The following PDIA4 variants were observed in gnomAD, a reference collection of about 807,000 sequenced individuals.
PDIA4 encodes the protein protein disulfide isomerase family A member 4, also known as protein disulfide-isomerase A4.
Under a neutral mutation model 62.1 loss-of-function variants are expected in PDIA4, and 33 were observed. The ratio of observed to expected loss-of-function variants is 0.53; its 90% confidence interval spans 0.40 to 0.71. The LOEUF (loss-of-function observed/expected upper bound fraction) is 0.71. PDIA4 is among the 30% of genes least tolerant of loss of function. The probability of loss-of-function intolerance (pLI) is 0.00; values close to 1 mark genes in which losing one functional copy is unlikely to be tolerated. For missense variants in PDIA4, 804 were observed against 813.6 expected, an observed-to-expected ratio of 0.99 and a Z score of 0.14; for synonymous variants, 341 against 324.1, an observed-to-expected ratio of 1.05 and a Z score of -0.56.
intron 3 of PDIA4, among the ~76,000 whole-genome samples, chr7:149,018,702 G>A (rs1824231655): frequency 6.6e-6 from 1 of 152,026 alleles, no homozygotes; most frequent in Non-Finnish European, 1.5e-5. Flanking sequence ...AAAGTGCTGG[G>A]GTTACAGGTG....
Position 149,028,232 on chromosome 7 carries a change from C to T in PDIA4, c.88+89G>A, listed in dbSNP as rs112899077. ...GTTCTGGAGCTGACCGCGCGGAAGCCCGCCCGCCGGGGTCGCAGGGCCCAG... is the reference window on the plus strand; with the variant it reads ...GTTCTGGAGCTGACCGCGCGGAAGCTCGCCCGCCGGGGTCGCAGGGCCCAG... On this transcript the variant is annotated intron_variant, in intron 1 of 9. Coordinates refer to ENST00000652332, the MANE Select transcript of PDIA4 (RefSeq NM_004911.5). 140 of 1,000,188 alleles carry T rather than the reference C, an allele frequency of 1.4e-4. No individual in the cohort carries two copies. In the African/African-American group the frequency reaches 2.1e-3, roughly 15 times the overall value. The allele number at this position is 1,000,188 out of a possible 1,614,324, so 62.0% of individuals were successfully genotyped here.
At chr7:149,010,771 G>A (rs1024872526) in intron 6 of PDIA4, among the ~76,000 whole-genome samples, 1 of 152,150 alleles carries the variant, frequency 6.6e-6, no homozygotes, top group African/African-American at 2.4e-5. Flanking sequence ...CCCTAACCCT[G>A]CCCAAGCCAA....
intron 4 of PDIA4, among the ~76,000 whole-genome samples, chr7:149,013,027 C>A (rs566657187): frequency 3.9e-5 from 6 of 152,318 alleles, no homozygotes; most frequent in African/African-American, 1.4e-4. Flanking sequence ...GCAGGTGGAT[C>A]ACCTGAGGCC....
chr7:149,025,026 C>T (rs1288159942), intron 1 of PDIA4, among the ~76,000 whole-genome samples: 16 of 135,586 alleles, frequency 1.2e-4, no homozygotes, highest in Non-Finnish European at 2.1e-4. Flanking sequence ...CGAGAGATGA[C>T]GCCATTGCAC....
chr7:149,013,096 A>T (rs555446529), intron 4 of PDIA4, among the ~76,000 whole-genome samples: 14 of 152,180 alleles, frequency 9.2e-5, no homozygotes, highest in Non-Finnish European at 2.1e-4. Context: ...AAAAATACAG[A>T]AACTAGCTGG....
At position 149,016,368 on chromosome 7, in the gene PDIA4, A is replaced by G. The variant is rs890858193; in HGVS notation, c.476-1326T>C. 2.0e-5 allele frequency among the ~76,000 whole-genome samples: 3 copies of G among 152,228 alleles called. No individual in the cohort carries two copies. In the East Asian group the frequency reaches 5.8e-4, roughly 29 times the overall value. On this transcript the variant is annotated intron_variant, in intron 3 of 9. Transcript: ENST00000652332. ...CTTTATGTATGGATATGGCTAAGAC[A>G]TATCTGTTAAATAAAAACATGAAGG...
intron 4 of PDIA4, among the ~76,000 whole-genome samples, chr7:149,013,250 A>G: frequency 6.6e-6 from 1 of 152,164 alleles, no homozygotes; most frequent in Non-Finnish European, 1.5e-5. Context: ...TCCGTCTCAA[A>G]AAAGAACCAA....
chr7:149,025,070 CAAAA>C (rs1184341612), intron 1 of PDIA4, among the ~76,000 whole-genome samples: 980 of 70,232 alleles, frequency 0.014, 8 homozygotes, highest in Middle Eastern at 0.024. Flanking sequence ...AACTCCATCT[CAAAA>C]AAAAAAAAAA....
chr7:149,025,161 G>T (rs1297902939), intron 1 of PDIA4, among the ~76,000 whole-genome samples: 1 of 150,596 alleles, frequency 6.6e-6, no homozygotes, highest in Non-Finnish European at 1.5e-5. Context: ...TCCTCAGCAT[G>T]AGACAAATGA....
intron 5 of PDIA4, 43 bp from the exon 6 acceptor site, chr7:149,012,047 C>T (rs1414571247): frequency 5.0e-6 from 8 of 1,599,962 alleles, no homozygotes; most frequent in Middle Eastern, 1.7e-4. Flanking sequence ...CTAAGAACTG[C>T]CCACTTCCCA....
chr7:149,007,739 T>C (rs10258441), intron 7 of PDIA4, among the ~76,000 whole-genome samples: 1,801 of 152,366 alleles, frequency 0.012, 28 homozygotes, highest in African/African-American at 0.04. Flanking sequence ...CAGACAGGGA[T>C]GCTGTCCCTC....
At chr7:149,005,767 A>G in intron 8 of PDIA4, 130 bp downstream of exon 8, 1 of 668,834 alleles carries the variant, frequency 1.5e-6, no homozygotes, top group Non-Finnish European at 2.4e-6. Context: ...CCAACGTGCA[A>G]GGGCCCCAGG....
At chr7:149,007,967 T>C (rs1041200492) in intron 7 of PDIA4, among the ~76,000 whole-genome samples, 192 bp downstream of exon 7, 2 of 152,166 alleles carry the variant, frequency 1.3e-5, no homozygotes, top group Non-Finnish European at 2.9e-5. Flanking sequence ...CCCAGCCCTG[T>C]CCCTCCGGCA....
At chr7:149,008,581 T>C (rs1456475058) in intron 6 of PDIA4, among the ~76,000 whole-genome samples, 1 of 152,092 alleles carries the variant, frequency 6.6e-6, no homozygotes, top group East Asian at 1.9e-4. Flanking sequence ...TGCAAGCCTG[T>C]AGTCCCAACT....
chr7:149,017,956 G>A (rs924671823), intron 3 of PDIA4, among the ~76,000 whole-genome samples: 14 of 152,230 alleles, frequency 9.2e-5, no homozygotes, highest in South Asian at 6.2e-4. Flanking sequence ...TTGGGCGGGC[G>A]TGGTGGTTCA....
intron 1 of PDIA4, among the ~76,000 whole-genome samples, chr7:149,025,886 C>G (rs543329476): frequency 1.3e-5 from 2 of 152,138 alleles, no homozygotes; most frequent in African/African-American, 4.8e-5. Flanking sequence ...AGGCAACAAA[C>G]AGGATCAGAA....
chr7:149,008,848 C>T lies in PDIA4; in HGVS notation c.980-538G>A, dbSNP rs965776306. Among the ~76,000 whole-genome samples the T allele has an allele frequency of 5.3e-5, 8 of 151,524 alleles. No homozygotes were observed. In the South Asian group the frequency reaches 1.7e-3, roughly 32 times the overall value. On this transcript the variant is annotated intron_variant, in intron 6 of 9. Transcript: ENST00000652332. ...CAAGGTATAACGTCTAAATCCTGGC[C>T]GGCCACAGTGGCTCACGCCTGTAAT...
chr7:149,019,060 C>T lies in PDIA4; in HGVS notation c.407G>A (p.Gly136Asp), dbSNP rs1436774072. 2 of 1,613,728 alleles carry T rather than the reference C, an allele frequency of 1.2e-6. No individual in the cohort carries two copies. Among genetic ancestry groups the T allele is most frequent in the East Asian group, 2.2e-5 (1 of 44,868 alleles). ...CTTAAGGATCTTGATGGTGGGGTAG[C>T]CACTCACATCAAACCTGCTGGCCAG... ...SVLASRFDVS[G>D]YPTIKILKKG... The change falls in exon 3 of 10, where the codon GGC becomes GAC. Residue 136 changes from glycine to aspartate, a missense_variant. Gly to Asp is a moderately conservative substitution (Grantham distance 94). Transcript: ENST00000652332.
Position 149,006,043 on chromosome 7 carries a change from T to C in PDIA4, c.1142A>G (p.Gln381Arg). Residue 381 changes from glutamine to arginine, a missense_variant, in exon 8 of 10, where the codon CAG becomes CGG. By Grantham distance (43) the Gln-to-Arg change is conservative. Transcript: ENST00000652332. ...CACGAAGTCCTTGATGGCCGAGTCC[T>C]GGGTGGAGCCCTGCTTCAAAGAGGG... ...SHMMDVQGSTQDSAIKDFVLK... is the reference protein window; with the variant it reads ...SHMMDVQGSTRDSAIKDFVLK... The C allele has an allele frequency of 6.4e-7, 1 of 1,560,766 alleles. No homozygotes were observed. Among genetic ancestry groups the C allele is most frequent in the South Asian group, 1.2e-5 (1 of 81,908 alleles).
Sources: gnomAD v4.1 joint callset for allele counts (sites outside exome capture counted in the v4.1 genomes callset) on GRCh38, gnomAD v4.1.1 for gene constraint, MANE v1.5 for transcripts, NCBI Gene and HGNC (gene_info 2026-07-23, HGNC 2026-07-21) for gene names.